The following SCARB2 variants were observed in gnomAD, a reference collection of about 807,000 sequenced individuals.
SCARB2 encodes lysosome membrane protein 2.
Under a neutral mutation model 58.6 loss-of-function variants are expected in SCARB2, and 29 were observed. The ratio of observed to expected loss-of-function variants is 0.49; its 90% CI spans 0.37 to 0.67. SCARB2 has a LOEUF of 0.67. Among genes scored for constraint, SCARB2 ranks in the 30% least tolerant of loss-of-function variants. SCARB2 has a pLI of 0.00. For missense variants in SCARB2, 488 were observed against 578.5 expected, an observed-to-expected ratio of 0.84 and a Z score of 1.60; for synonymous variants, 195 against 210.1, an observed-to-expected ratio of 0.93 and a Z score of 0.62.
intron 4 of SCARB2, among the ~76,000 whole-genome samples, chr4:76,177,645 T>C (rs1732279756): frequency 6.6e-6 from 1 of 151,978 alleles, no homozygotes; most frequent in Non-Finnish European, 1.5e-5. Context: ...AACTGATAAA[T>C]GGATAAGCAA....
intron 1 of SCARB2, among the ~76,000 whole-genome samples, chr4:76,209,799 C>G (rs1733003478): frequency 6.6e-6 from 1 of 152,210 alleles, no homozygotes; most frequent in Admixed American, 6.5e-5. Flanking sequence ...CTGTTCATTG[C>G]ATCTCTGAGA....
intron 9 of SCARB2, chr4:76,166,855 C>G (rs1578714489): frequency 1.3e-5 from 2 of 155,364 alleles, no homozygotes; most frequent in Non-Finnish European, 2.9e-5. Flanking sequence ...TTCTAAGATT[C>G]CAGCTCTTAA....
chr4:76,213,664 C>G lies in SCARB2; in HGVS notation c.-121G>C. ...CCCTTCGGCGCCACGCCCACGCCCT[C>G]CCGGCGCACGGTTCGTGCGCGCAGC... On this transcript the variant is annotated 5_prime_UTR_variant, in exon 1 of 12. Transcript: ENST00000264896. 3 of 753,156 alleles carry G rather than the reference C, an allele frequency of 4.0e-6. No homozygotes were observed. Among genetic ancestry groups the G allele is most frequent in the Non-Finnish European group, 6.6e-6 (3 of 453,474 alleles). The allele number at this position is 753,156 out of a possible 1,614,324, so 46.7% of individuals were successfully genotyped here.
intron 8 of SCARB2, among the ~76,000 whole-genome samples, chr4:76,169,166 A>C (rs1732073866): frequency 6.6e-6 from 1 of 152,326 alleles, no homozygotes; most frequent in Middle Eastern, 3.4e-3. Flanking sequence ...TATGCAGCTA[A>C]GAGTGTGAAG....
At chr4:76,193,048 T>C (rs1451563483) in intron 2 of SCARB2, 1 of 151,958 alleles carries the variant, frequency 6.6e-6, no homozygotes, top group Non-Finnish European at 1.5e-5. Flanking sequence ...GAGGACTGAG[T>C]GGTTTCAGGG....
intron 1 of SCARB2, among the ~76,000 whole-genome samples, chr4:76,199,778 T>G (rs1328657459): frequency 6.6e-6 from 1 of 152,064 alleles, no homozygotes; most frequent in Non-Finnish European, 1.5e-5. Context: ...CAGCTCCTAG[T>G]AAGGAGCCCA....
rs533170408 is a variant in SCARB2, at chr4:76,172,510, C to A, written c.994+1634G>T. Among the ~76,000 whole-genome samples the A allele has an allele frequency of 3.3e-5, 5 of 152,122 alleles. No individual in the cohort carries two copies. The East Asian group carries it at 9.7e-4, about 29-fold the overall frequency. On this transcript the variant is annotated intron_variant, in intron 7 of 11. Coordinates refer to ENST00000264896, the MANE Select transcript of SCARB2 (RefSeq NM_005506.4). ...TCAAGTGAGCCTCCTGCTTCAGCCT[C>A]CTAAAGTGTTAGGATTACAGGCATG... is the stretch of plus-strand genomic sequence containing the variant.
intron 1 of SCARB2, among the ~76,000 whole-genome samples, chr4:76,199,438 G>C (rs907153378): frequency 6.6e-6 from 1 of 152,168 alleles, no homozygotes; most frequent in African/African-American, 2.4e-5. Context: ...GAAGGATTTA[G>C]GAACAAAGTG....
chr4:76,171,713 G>C (rs1369446119), intron 7 of SCARB2, among the ~76,000 whole-genome samples: 1 of 152,066 alleles, frequency 6.6e-6, no homozygotes, highest in Non-Finnish European at 1.5e-5. Context: ...CACCAGATGA[G>C]GGGGCAGGGA....
intron 1 of SCARB2, among the ~76,000 whole-genome samples, chr4:76,197,159 G>C (rs1560716780): frequency 6.6e-6 from 1 of 152,176 alleles, no homozygotes; most frequent in Non-Finnish European, 1.5e-5. Flanking sequence ...AATTTCTGTT[G>C]CTTAAGCCAC....
chr4:76,170,424 G>A (rs1242153108), intron 7 of SCARB2, among the ~76,000 whole-genome samples: 5 of 152,180 alleles, frequency 3.3e-5, no homozygotes, highest in Non-Finnish European at 7.3e-5. Context: ...AGAATACTAA[G>A]TGAATGAAGG....
Position 76,228,203 on chromosome 4 carries a change from C to T in SCARB2, c.-358+6100G>A, listed in dbSNP as rs549593247. Among the ~76,000 whole-genome samples, 148 of 152,022 alleles carry T rather than the reference C, an allele frequency of 9.7e-4. No homozygotes were observed. The Middle Eastern group carries it at 0.014, about 14-fold the overall frequency. On this transcript the variant is annotated intron_variant, in intron 1 of 11. Coordinates refer to the SCARB2 transcript ENST00000638295. ...TTCAAGATTTAGAATCCCAGCTGGGCGCAGTGGCTCACACCTGTAATCCCA... is the reference window on the plus strand; with the variant it reads ...TTCAAGATTTAGAATCCCAGCTGGGTGCAGTGGCTCACACCTGTAATCCCA...
At chr4:76,212,160 C>T (rs981782479) in intron 1 of SCARB2, among the ~76,000 whole-genome samples, 4 of 152,186 alleles carry the variant, frequency 2.6e-5, no homozygotes, top group African/African-American at 4.8e-5. Flanking sequence ...CAAGAGTTTA[C>T]ATCCTCAAAC....
Position 76,174,279 on chromosome 4 carries a change from C to G in SCARB2, c.859G>C (p.Val287Leu). 3.1e-6 allele frequency: 5 copies of G among 1,614,162 alleles called. No individual in the cohort carries two copies. The highest frequency in any genetic ancestry group is 4.2e-6 in the Non-Finnish European group (5 of 1,180,006). Reference sequence around the variant, plus strand: ...TACCGAAAGGCAGGCAGTCCCTGTACACTCTCATAGTCACTGAAAGTAATA... The same window carrying G: ...TACCGAAAGGCAGGCAGTCCCTGTAGACTCTCATAGTCACTGAAAGTAATA... ...VYITFSDYES[V>L]QGLPAFRYKV... is the part of the protein sequence containing the mutation. Residue 287 changes from valine to leucine, a missense_variant, in exon 7 of 12, where the codon GTA (valine) becomes CTA (leucine). Val to Leu is a conservative substitution (Grantham distance 32). Coordinates refer to ENST00000264896, the MANE Select transcript of SCARB2 (RefSeq NM_005506.4).
intron 1 of SCARB2, among the ~76,000 whole-genome samples, chr4:76,205,291 A>C (rs191525359): frequency 1.3e-5 from 2 of 152,280 alleles, no homozygotes; most frequent in African/African-American, 4.8e-5. Context: ...GTGGCACTGT[A>C]CTCCAGCCTG....
At chr4:76,219,089 C>A (rs1302356941) in intron 1 of SCARB2, among the ~76,000 whole-genome samples, 3 of 152,154 alleles carry the variant, frequency 2.0e-5, no homozygotes, top group Non-Finnish European at 4.4e-5. Flanking sequence ...AACCCCTTAG[C>A]CACTGCTTGG....
chr4:76,166,584 G>C, intron 9 of SCARB2: 2 of 509,508 alleles, frequency 3.9e-6, no homozygotes, highest in Non-Finnish European at 7.1e-6. Context: ...GGCTCCAGTC[G>C]ACAGAACAAA....
intron 5 of SCARB2, 159 bp downstream of exon 5, chr4:76,176,278 A>C (rs1424043991): frequency 1.6e-6 from 1 of 623,518 alleles, no homozygotes; most frequent in Non-Finnish European, 2.8e-6. Flanking sequence ...ATGTTTTACC[A>C]CCATCTTGAT....
At chr4:76,192,866 A>C (rs1021714176) in intron 2 of SCARB2, 1 of 152,166 alleles carries the variant, frequency 6.6e-6, no homozygotes. Flanking sequence ...ACAAAACAAA[A>C]TATTTTTGTG....
Sources: allele counts gnomAD v4.1 joint callset (sites outside exome capture counted in the v4.1 genomes callset), GRCh38; gene constraint gnomAD v4.1.1; transcripts MANE v1.5; gene names NCBI Gene and HGNC (gene_info 2026-07-23, HGNC 2026-07-21).